The following SPTLC2 variants were observed in gnomAD, a reference collection of about 807,000 sequenced individuals.
SPTLC2 encodes the protein serine palmitoyltransferase long chain base subunit 2, also known as serine palmitoyltransferase 2.
A neutral mutation model predicts 62.0 loss-of-function variants in SPTLC2; 21 were observed. The ratio of observed to expected loss-of-function variants is 0.34; its 90% CI spans 0.24 to 0.49. The LOEUF (loss-of-function observed/expected upper bound fraction) is 0.49, where lower values mean the gene tolerates loss of function less well. SPTLC2 is among the 20% of genes least tolerant of loss of function. SPTLC2 has a pLI of 0.99. For missense variants in SPTLC2, 511 were observed against 713.0 expected, an observed-to-expected ratio of 0.72 and a Z score of 3.23; for synonymous variants, 261 against 261.8, an observed-to-expected ratio of 1.00 and a Z score of 0.03.
At position 77,579,049 on chromosome 14, in the gene SPTLC2, T is replaced by A. The variant is rs766618928; in HGVS notation, c.388A>T (p.Ile130Leu). ...ATTGGCCGATTCCAGTTGTCTCTTA[T>A]CCTCATGTACAGATTCCTTGTATAA... ...NFYTRNLYMR[I>L]RDNWNRPICS... is the part of the protein sequence containing the mutation. The change falls in exon 3 of 12, where the codon ATA (isoleucine) becomes TTA (leucine). Residue 130 changes from isoleucine to leucine, a missense_variant. By Grantham distance (5) the Ile-to-Leu change is conservative. Transcript: ENST00000216484. 6.2e-7 allele frequency: 1 copy of A among 1,614,128 alleles called. No homozygotes were observed. Among genetic ancestry groups the A allele is most frequent in the South Asian group, 1.1e-5 (1 of 91,086 alleles).
chr14:77,518,635 TC>T (rs1292408509), intron 10 of SPTLC2, among the ~76,000 whole-genome samples: 1 of 151,834 alleles, frequency 6.6e-6, no homozygotes, highest in African/African-American at 2.4e-5. Flanking sequence ...TAATAGTGGT[TC>T]AGAGGCTTCA....
At chr14:77,581,347 T>C (rs1309767047) in intron 2 of SPTLC2, among the ~76,000 whole-genome samples, 1 of 150,396 alleles carries the variant, frequency 6.6e-6, no homozygotes, top group South Asian at 2.1e-4. Flanking sequence ...ATCTTATAAA[T>C]AAGGCTGAGC....
intron 11 of SPTLC2, among the ~76,000 whole-genome samples, chr14:77,513,016 C>CTTT (rs1190713237): frequency 0.48 from 29,689 of 62,132 alleles, 11,552 homozygotes; most frequent in East Asian, 0.81. Context: ...AACCCAGCAA[C>CTTT]TTTTTTTTTT....
chr14:77,542,871 C>G (rs890270717), intron 9 of SPTLC2, among the ~76,000 whole-genome samples: 1 of 152,122 alleles, frequency 6.6e-6, no homozygotes, highest in African/African-American at 2.4e-5. Context: ...GTATGACAAG[C>G]AGCAGGGGCA....
intron 5 of SPTLC2, 40 bp downstream of exon 5, chr14:77,570,344 T>C (rs760596899): frequency 3.7e-6 from 6 of 1,607,776 alleles, no homozygotes; most frequent in Non-Finnish European, 5.1e-6. Flanking sequence ...CAAAAGAAGA[T>C]ATACATGAGG....
intron 11 of SPTLC2, among the ~76,000 whole-genome samples, chr14:77,515,542 C>CTTTTTTTTTTT (rs71128633): frequency 8.0e-6 from 1 of 124,714 alleles, no homozygotes; most frequent in Non-Finnish European, 1.6e-5. Context: ...AAGGGAAAGG[C>CTTTTTTTTTTT]TTTTTTTTTT....
intron 6 of SPTLC2, among the ~76,000 whole-genome samples, chr14:77,558,763 A>G (rs559359728): frequency 6.6e-5 from 10 of 152,084 alleles, no homozygotes; most frequent in Admixed American, 3.3e-4. Context: ...CTGGGATTAC[A>G]GGTGCATGCC....
intron 8 of SPTLC2, among the ~76,000 whole-genome samples, chr14:77,553,510 T>A (rs2079566174): frequency 6.6e-6 from 1 of 151,970 alleles, no homozygotes; most frequent in African/African-American, 2.4e-5. Context: ...GGCGGGCAGA[T>A]CACGAGGTCA....
At chr14:77,556,920 G>A (rs947708274) in intron 7 of SPTLC2, 121 bp downstream of exon 7, 35 of 768,260 alleles carry the variant, frequency 4.6e-5, no homozygotes, top group Admixed American at 8.9e-5. Flanking sequence ...GTATTTTAGC[G>A]ACTTATAAAC....
chr14:77,513,824 G>A (rs2079345267), intron 11 of SPTLC2, among the ~76,000 whole-genome samples: 1 of 151,816 alleles, frequency 6.6e-6, no homozygotes, highest in African/African-American at 2.4e-5. Flanking sequence ...GAACCCAGGG[G>A]GCGGAGGCTG....
At chr14:77,559,121 AC>A (rs2079601136) in intron 6 of SPTLC2, among the ~76,000 whole-genome samples, 1 of 152,076 alleles carries the variant, frequency 6.6e-6, no homozygotes, top group Non-Finnish European at 1.5e-5. Context: ...GGAGTTCGAG[AC>A]CAGACTGACC....
rs1364403002 is a variant in SPTLC2 at position 77,557,111 on chromosome 14, T to C, written c.886A>G (p.Ile296Val). The stretch of plus-strand genomic sequence containing the variant: ...CGTGTCCGAGGCTGACCATAAACAA[T>C]GGCATCTTTCAATAGCTTCTCTAGG... ...QSLEKLLKDA[I>V]VYGQPRTRRP... Residue 296 changes from isoleucine to valine, a missense_variant, in exon 7 of 12, where the codon ATT (isoleucine) becomes GTT (valine). Transcript: ENST00000216484. 11 of 1,613,892 alleles carry C rather than the reference T, an allele frequency of 6.8e-6. No individual in the cohort carries two copies. Among genetic ancestry groups the C allele is most frequent in the Middle Eastern group, 1.6e-4 (1 of 6,062 alleles).
chr14:77,508,897 T>C lies in SPTLC2; in HGVS notation c.*3387A>G, dbSNP rs920296414. The C allele has an allele frequency of 6.6e-6, 1 of 152,188 alleles. No individual in the cohort carries two copies. The highest frequency in any genetic ancestry group is 6.5e-5 in the Admixed American group (1 of 15,278). 9.4% of individuals were successfully genotyped at this position (152,188 alleles called of 1,614,324 possible). A position where few individuals can be genotyped will look rare whatever the true frequency, so the allele number is the denominator to read the frequency against. ...CCAGCACCACCATATATTGGTTTTC[T>C]CTAGAGTTGGAATTTTAAAAATCAA... On this transcript the variant is annotated 3_prime_UTR_variant, in exon 12 of 12. Transcript: ENST00000216484.
intron 1 of SPTLC2, among the ~76,000 whole-genome samples, chr14:77,611,458 CAAAAA>C (rs34421039): frequency 2.7e-5 from 3 of 110,814 alleles, no homozygotes; most frequent in Admixed American, 2.0e-4. Context: ...CCTATCTCGC[CAAAAA>C]AAAAAAAAAA....
chr14:77,569,013 T>C (rs2079662448), intron 5 of SPTLC2, among the ~76,000 whole-genome samples: 2 of 152,208 alleles, frequency 1.3e-5, no homozygotes, highest in Admixed American at 6.5e-5. Context: ...AACTCCCACA[T>C]GCTTAGCGTT....
chr14:77,537,286 T>TA (rs74264007), intron 9 of SPTLC2, among the ~76,000 whole-genome samples: 114,970 of 147,020 alleles, frequency 0.78, 44,621 homozygotes, highest in South Asian at 0.85. Context: ...GGGCAGAAGT[T>TA]AAAAAAAAAA....
chr14:77,596,336 T>G (rs1474876646), intron 2 of SPTLC2, among the ~76,000 whole-genome samples: 1 of 124,080 alleles, frequency 8.1e-6, no homozygotes, highest in Non-Finnish European at 1.7e-5. Flanking sequence ...AAGACTTGTC[T>G]CAAAAAAAAA....
intron 2 of SPTLC2, among the ~76,000 whole-genome samples, chr14:77,588,715 T>C (rs981089119): frequency 5.9e-5 from 8 of 136,364 alleles, no homozygotes; most frequent in African/African-American, 2.2e-4. Context: ...AAAAAAAAAA[T>C]CTGGCCCAGG....
intron 5 of SPTLC2, among the ~76,000 whole-genome samples, chr14:77,566,739 C>T (rs547924160): frequency 6.6e-6 from 1 of 152,134 alleles, no homozygotes; most frequent in East Asian, 1.9e-4. Flanking sequence ...GGATTACAGG[C>T]GTGAGCCACC....
Sources: allele counts gnomAD v4.1 joint callset (sites outside exome capture counted in the v4.1 genomes callset), GRCh38; gene constraint gnomAD v4.1.1; transcripts MANE v1.5; gene names NCBI Gene and HGNC (gene_info 2026-07-23, HGNC 2026-07-21).